The following CALCRL variants were observed in gnomAD, a reference collection of about 807,000 sequenced individuals.
The protein encoded by CALCRL is calcitonin receptor like receptor.
Under a neutral mutation model 60.4 loss-of-function variants are expected in CALCRL, and 27 were observed. That is an observed-to-expected ratio of 0.45 (90% confidence interval 0.33 to 0.62). The LOEUF (loss-of-function observed/expected upper bound fraction) is 0.62, where lower values mean the gene tolerates loss of function less well. Ranked by LOEUF, CALCRL falls within the 20% of genes least tolerant of loss-of-function variation. CALCRL has a pLI of 0.03. For missense variants in CALCRL, 424 were observed against 540.7 expected (o/e 0.78, Z 2.14); for synonymous variants, 190 against 182.6 (o/e 1.04, Z -0.33).
At chr2:187,441,432 A>T (rs1511882) in intron 1 of CALCRL, among the ~76,000 whole-genome samples, 151,671 of 152,086 alleles carry the variant, frequency 1, 75,631 homozygotes, top group Middle Eastern at 1. Context: ...GATTAAGACT[A>T]TACACTTTGA....
At chr2:187,423,375 TA>T (rs1689972177) in intron 1 of CALCRL, among the ~76,000 whole-genome samples, 1 of 151,788 alleles carries the variant, frequency 6.6e-6, no homozygotes, top group African/African-American at 2.4e-5. Flanking sequence ...TTTTTTTTTT[TA>T]CCAACTGTAC....
At chr2:187,347,133 A>G (rs1686313396) in intron 14 of CALCRL, among the ~76,000 whole-genome samples, 2 of 151,894 alleles carry the variant, frequency 1.3e-5, no homozygotes, top group South Asian at 4.1e-4. Context: ...GATCAGGGGT[A>G]GGTGGGTCCT....
chr2:187,424,901 A>G (rs1463342641), intron 1 of CALCRL, among the ~76,000 whole-genome samples: 1 of 151,972 alleles, frequency 6.6e-6, no homozygotes, highest in African/African-American at 2.4e-5. Flanking sequence ...CAAAATGGAC[A>G]ACAAATGTAA....
intron 1 of CALCRL, among the ~76,000 whole-genome samples, chr2:187,407,829 A>G (rs1689200833): frequency 6.6e-6 from 1 of 152,108 alleles, no homozygotes; most frequent in Non-Finnish European, 1.5e-5. Flanking sequence ...AATTTTAACT[A>G]AACCTGGGGA....
In CALCRL at chr2:187,344,563, C is replaced by T. The variant is rs1398659685; in HGVS notation, c.*1621G>A. 6.6e-6 allele frequency: 1 copy of T among 151,652 alleles called. No homozygotes were observed. The highest frequency in any genetic ancestry group is 1.5e-5 in the Non-Finnish European group (1 of 67,700). The allele number at this position is 151,652 out of a possible 1,614,324, so 9.4% of individuals were successfully genotyped here. On this transcript the variant is annotated 3_prime_UTR_variant, in exon 15 of 15. Transcript: ENST00000392370. ...GAAACTGAATCCCATGCAAATTTCA[C>T]TTTAATTCATTAGCAAGGTTTTCTT...
At chr2:187,359,513 T>C (rs555372016) in intron 10 of CALCRL, among the ~76,000 whole-genome samples, 1 of 152,260 alleles carries the variant, frequency 6.6e-6, no homozygotes, top group East Asian at 1.9e-4. Flanking sequence ...AATTCATAAG[T>C]CATTTTGAAT....
At chr2:187,366,249 C>CAAAAAAAAAAAAAAAAAAAAAAAAAAAA (rs59586461) in intron 8 of CALCRL, among the ~76,000 whole-genome samples, 1 of 94,616 alleles carries the variant, frequency 1.1e-5, no homozygotes, top group Admixed American at 1.2e-4. Flanking sequence ...GACTCCGTCT[C>CAAAAAAAAAAAAAAAAAAAAAAAAAAAA]AAAAAAAAAA....
rs1337456666 is a variant in CALCRL at position 187,448,104 on chromosome 2, T to TTAC, written c.-359_-358insGTA. 1 of 152,110 alleles carries TTAC rather than the reference T, an allele frequency of 6.6e-6. No individual in the cohort carries two copies. The highest frequency in any genetic ancestry group is 1.5e-5 in the Non-Finnish European group (1 of 68,018). 9.4% of individuals were successfully genotyped at this position (152,110 alleles called of 1,614,324 possible). Reference sequence around the variant, plus strand: ...AGGATGGAACTTTACTTTCTGAGATTCCGCAGAAGAGATTTACCCACAAGC... The same window carrying TTAC: ...AGGATGGAACTTTACTTTCTGAGATTTACCCGCAGAAGAGATTTACCCACAAGC... On this transcript the variant is annotated 5_prime_UTR_variant, in exon 1 of 15. Transcript: ENST00000392370.
At chr2:187,351,346 G>A (rs1686523815) in intron 14 of CALCRL, among the ~76,000 whole-genome samples, 1 of 151,592 alleles carries the variant, frequency 6.6e-6, no homozygotes, top group Non-Finnish European at 1.5e-5. Flanking sequence ...TCCCAAGTAG[G>A]AAACGCATGG....
chr2:187,416,779 C>T (rs986928303), intron 1 of CALCRL, among the ~76,000 whole-genome samples: 5 of 151,992 alleles, frequency 3.3e-5, no homozygotes, highest in African/African-American at 7.2e-5. Flanking sequence ...ATGTTTCTCA[C>T]GTGAATTACA....
chr2:187,364,524 T>G (rs1398469758), intron 8 of CALCRL, among the ~76,000 whole-genome samples: 1 of 152,102 alleles, frequency 6.6e-6, no homozygotes, highest in African/African-American at 2.4e-5. Flanking sequence ...CCACCATATA[T>G]AATTCAAGCC....
intron 14 of CALCRL, among the ~76,000 whole-genome samples, chr2:187,346,927 A>G (rs1686302507): frequency 6.6e-6 from 1 of 151,816 alleles, no homozygotes; most frequent in South Asian, 2.1e-4. Context: ...ATTCTAAAAA[A>G]GGGAGCATGA....
At chr2:187,415,085 A>T (rs1242831433) in intron 1 of CALCRL, among the ~76,000 whole-genome samples, 1 of 152,164 alleles carries the variant, frequency 6.6e-6, no homozygotes, top group African/African-American at 2.4e-5. Context: ...GGCAAGGAAT[A>T]AAGTAGCAAT....
chr2:187,395,088 G>A (rs1463650115), intron 1 of CALCRL, among the ~76,000 whole-genome samples: 1 of 152,010 alleles, frequency 6.6e-6, no homozygotes, highest in African/African-American at 2.4e-5. Context: ...AGTCATGGCA[G>A]TAATCATGTT....
At chr2:187,402,329 G>T (rs1688924442) in intron 1 of CALCRL, among the ~76,000 whole-genome samples, 1 of 151,688 alleles carries the variant, frequency 6.6e-6, no homozygotes, top group African/African-American at 2.4e-5. Flanking sequence ...ACAAATATGA[G>T]TAATAAAGTA....
At chr2:187,434,729 T>C (rs1690557889) in intron 1 of CALCRL, among the ~76,000 whole-genome samples, 1 of 152,118 alleles carries the variant, frequency 6.6e-6, no homozygotes, top group Non-Finnish European at 1.5e-5. Context: ...AAAGGATAAA[T>C]ACATTGTGTT....
At chr2:187,411,245 ATAACT>A (rs201776292) in intron 1 of CALCRL, among the ~76,000 whole-genome samples, 2,851 of 152,012 alleles carry the variant, frequency 0.019, 89 homozygotes, top group African/African-American at 0.064. Flanking sequence ...AAAAGTTGTA[ATAACT>A]TAACATTATG....
rs1211359342 is a variant in CALCRL, at chr2:187,345,196, A to T, written c.*988T>A. The T allele has an allele frequency of 6.6e-6, 1 of 152,152 alleles. No individual in the cohort carries two copies. Among genetic ancestry groups the T allele is most frequent in the Non-Finnish European group, 1.5e-5 (1 of 67,814 alleles). The allele number at this position is 152,152 out of a possible 1,614,324, so 9.4% of individuals were successfully genotyped here. A position where few individuals can be genotyped will look rare whatever the true frequency, so the allele number is the denominator to read the frequency against. Reference sequence around the variant, plus strand: ...CATTGTTGCATTATATATTTGCTTTAAAAATTACATAGGTTGTATGTATTT... The same window carrying T: ...CATTGTTGCATTATATATTTGCTTTTAAAATTACATAGGTTGTATGTATTT... On this transcript the variant is annotated 3_prime_UTR_variant, in exon 15 of 15. Transcript: ENST00000392370.
chr2:187,364,610 T>G (rs1369309808), intron 8 of CALCRL, among the ~76,000 whole-genome samples: 1 of 152,174 alleles, frequency 6.6e-6, no homozygotes, highest in Non-Finnish European at 1.5e-5. Context: ...TTAAATAGAC[T>G]GTGTGCCCAG....
Sources: allele counts gnomAD v4.1 joint callset (sites outside exome capture counted in the v4.1 genomes callset), GRCh38; gene constraint gnomAD v4.1.1; transcripts MANE v1.5; gene names NCBI Gene and HGNC (gene_info 2026-07-23, HGNC 2026-07-21).